MEIS1: variants seen among roughly 807,000 people sequenced by gnomAD.
MEIS1 encodes the protein Meis homeobox 1.
MEIS1 carries 5 observed loss-of-function variants against 50.8 expected under a neutral mutation model. That is an observed-to-expected ratio of 0.10 (90% CI 0.05 to 0.21). The LOEUF (loss-of-function observed/expected upper bound fraction) is 0.21. MEIS1 is among the 10% of genes least tolerant of loss of function. MEIS1 has a pLI of 1.00. For synonymous variants in MEIS1, 176 were observed against 179.3 expected (o/e 0.98, Z 0.15); for missense variants, 318 against 517.3 (o/e 0.61, Z 3.74).
intron 6 of MEIS1, among the ~76,000 whole-genome samples, chr2:66,457,181 GA>G (rs1672411822): frequency 7.5e-6 from 1 of 133,394 alleles, no homozygotes; most frequent in Non-Finnish European, 1.6e-5. Flanking sequence ...TTTTTTTTTA[GA>G]AATCCACATA....
At chr2:66,554,899 T>A (rs1675016599) in intron 9 of MEIS1, among the ~76,000 whole-genome samples, 1 of 152,152 alleles carries the variant, frequency 6.6e-6, no homozygotes, top group Non-Finnish European at 1.5e-5. Context: ...TTAAACATTA[T>A]CACAAGACAT....
intron 9 of MEIS1, among the ~76,000 whole-genome samples, chr2:66,557,483 G>A (rs755740873): frequency 1.3e-5 from 2 of 152,072 alleles, no homozygotes; most frequent in Non-Finnish European, 2.9e-5. Context: ...TCTACTTTCT[G>A]TCTCTATATT....
At chr2:66,504,347 C>T (rs1245224542) in intron 7 of MEIS1, among the ~76,000 whole-genome samples, 1 of 152,102 alleles carries the variant, frequency 6.6e-6, no homozygotes, top group Admixed American at 6.5e-5. Flanking sequence ...GATTCTCCTG[C>T]CTCAGCCTCC....
intron 9 of MEIS1, among the ~76,000 whole-genome samples, chr2:66,565,014 T>C (rs1332824560): frequency 6.6e-6 from 1 of 152,048 alleles, no homozygotes; most frequent in East Asian, 1.9e-4. Context: ...TTAAGTAAGG[T>C]GGTGAGTGCT....
rs1423630769 is a variant in MEIS1, at chr2:66,464,044, T to C, written c.631-65T>C. ...CCTCCATGGCTTTGTCATTATGCCATGGGATCCTACCAATAAGGGTTCACA... is the reference window on the plus strand; with the variant it reads ...CCTCCATGGCTTTGTCATTATGCCACGGGATCCTACCAATAAGGGTTCACA... On this transcript the variant is annotated intron_variant, in intron 6 of 12. Transcript: ENST00000272369. The C allele has an allele frequency of 3.4e-6, 4 of 1,184,600 alleles. No homozygotes were observed. The East Asian group carries it at 1.0e-4, about 30-fold the overall frequency. The allele number at this position is 1,184,600 out of a possible 1,614,324, so 73.4% of individuals were successfully genotyped here.
intron 8 of MEIS1, among the ~76,000 whole-genome samples, chr2:66,546,915 G>A (rs149212388): frequency 6.6e-6 from 1 of 152,154 alleles, no homozygotes. Context: ...ATGTCAATTA[G>A]CATTCAATAG....
chr2:66,504,769 A>T (rs1673647661), intron 7 of MEIS1, among the ~76,000 whole-genome samples: 1 of 152,192 alleles, frequency 6.6e-6, no homozygotes, highest in Admixed American at 6.5e-5. Flanking sequence ...GGCACTTGTT[A>T]AGCCTCTTCT....
rs1162154866 is a variant in MEIS1 at position 66,573,086 on chromosome 2, G to A, written c.*1878G>A. 1 of 152,174 alleles carries A rather than the reference G, an allele frequency of 6.6e-6. No homozygotes were observed. The highest frequency in any genetic ancestry group is 1.9e-4 in the East Asian group (1 of 5,188). The allele number at this position is 152,174 out of a possible 1,614,324, so 9.4% of individuals were successfully genotyped here. On this transcript the variant is annotated 3_prime_UTR_variant, in exon 13 of 13. Coordinates refer to ENST00000272369, the MANE Select transcript of MEIS1 (RefSeq NM_002398.3). ...AAAGTTAAGTCTTTTACTAAAGGAT[G>A]TTACCTAGGATGAGCAGTATATGTT...
chr2:66,463,348 A>G (rs1459419757), intron 6 of MEIS1, among the ~76,000 whole-genome samples: 1 of 152,134 alleles, frequency 6.6e-6, no homozygotes, highest in African/African-American at 2.4e-5. Context: ...CTAAAAGCTA[A>G]TTAAAATCTT....
chr2:66,460,726 T>C (rs564039067), intron 6 of MEIS1, among the ~76,000 whole-genome samples: 3 of 152,266 alleles, frequency 2.0e-5, no homozygotes, highest in Admixed American at 1.3e-4. Context: ...GATTTTTTTT[T>C]CCCAACAACT....
At chr2:66,460,370 T>C (rs1326245531) in intron 6 of MEIS1, among the ~76,000 whole-genome samples, 1 of 151,956 alleles carries the variant, frequency 6.6e-6, no homozygotes, top group Non-Finnish European at 1.5e-5. Flanking sequence ...ATACCATACA[T>C]GGAATCAGAA....
intron 9 of MEIS1, among the ~76,000 whole-genome samples, chr2:66,566,332 A>G (rs979356363): frequency 6.6e-6 from 1 of 152,116 alleles, no homozygotes; most frequent in Non-Finnish European, 1.5e-5. Context: ...TTTAGGAACT[A>G]TTTTCCTTCC....
intron 8 of MEIS1, among the ~76,000 whole-genome samples, chr2:66,524,846 G>T (rs1490459580): frequency 1.3e-5 from 2 of 152,216 alleles, no homozygotes; most frequent in East Asian, 3.9e-4. Flanking sequence ...AAAAGTGAAA[G>T]TCTATCACCT....
At chr2:66,474,483 C>T (rs1672843050) in intron 7 of MEIS1, among the ~76,000 whole-genome samples, 1 of 151,984 alleles carries the variant, frequency 6.6e-6, no homozygotes, top group Non-Finnish European at 1.5e-5. Flanking sequence ...TGGGTGATAG[C>T]ACTAATTAAG....
intron 8 of MEIS1, among the ~76,000 whole-genome samples, chr2:66,540,614 C>G (rs1248440288): frequency 6.6e-6 from 1 of 152,036 alleles, no homozygotes; most frequent in African/African-American, 2.4e-5. Context: ...TTCTTAATGG[C>G]CATTTTTGTA....
At chr2:66,527,832 C>A (rs1674294284) in intron 8 of MEIS1, among the ~76,000 whole-genome samples, 1 of 152,072 alleles carries the variant, frequency 6.6e-6, no homozygotes, top group Non-Finnish European at 1.5e-5. Flanking sequence ...AAACTTTAGG[C>A]CACATCTAAC....
At chr2:66,523,320 T>G (rs1322275795) in intron 8 of MEIS1, among the ~76,000 whole-genome samples, 1 of 152,216 alleles carries the variant, frequency 6.6e-6, no homozygotes, top group Non-Finnish European at 1.5e-5. Flanking sequence ...CATTTAAGTA[T>G]TAATGCTTGA....
intron 8 of MEIS1, among the ~76,000 whole-genome samples, chr2:66,514,380 G>T (rs897049991): frequency 6.6e-6 from 1 of 152,106 alleles, no homozygotes; most frequent in African/African-American, 2.4e-5. Flanking sequence ...CTAACAGCCC[G>T]CATGATTTTA....
chr2:66,466,129 C>A (rs1047683325), intron 7 of MEIS1, among the ~76,000 whole-genome samples: 10 of 152,240 alleles, frequency 6.6e-5, no homozygotes, highest in Admixed American at 1.3e-4. Flanking sequence ...GTGGGTCTAT[C>A]CCCACTTGAC....
Sources: allele counts gnomAD v4.1 joint callset (sites outside exome capture counted in the v4.1 genomes callset), GRCh38; gene constraint gnomAD v4.1.1; transcripts MANE v1.5; gene names NCBI Gene and HGNC (gene_info 2026-07-23, HGNC 2026-07-21).